Variants in ARHGAP29 observed in about 807,000 individuals in gnomAD.
ARHGAP29 encodes Rho GTPase activating protein 29.
In ARHGAP29, 43 loss-of-function variants were observed where a neutral mutation model predicts 122.6. The observed-to-expected ratio is 0.35, with a 90% CI of 0.27 to 0.45. The LOEUF is 0.45. Ranked by LOEUF, ARHGAP29 falls within the 20% of genes least tolerant of loss-of-function variation. ARHGAP29 has a pLI of 1.00. For synonymous variants in ARHGAP29, 506 were observed against 497.1 expected (o/e 1.02, Z -0.24); for missense variants, 1,303 against 1,477.2 (o/e 0.88, Z 1.93).
intron 1 of ARHGAP29, among the ~76,000 whole-genome samples, chr1:94,245,607 T>C (rs1317897414): frequency 6.6e-6 from 1 of 152,160 alleles, no homozygotes; most frequent in African/African-American, 2.4e-5. Flanking sequence ...GAGAAGCCTT[T>C]CATTTCCTCC....
intron 1 of ARHGAP29, among the ~76,000 whole-genome samples, chr1:94,273,739 T>C (rs1655082283): frequency 6.6e-6 from 1 of 152,176 alleles, no homozygotes; most frequent in Non-Finnish European, 1.5e-5. Flanking sequence ...TTTATAGAAT[T>C]AGAGAAGTTT....
At chr1:94,196,250 G>GTTT (rs1557852105) in intron 12 of ARHGAP29, among the ~76,000 whole-genome samples, 57 of 39,062 alleles carry the variant, frequency 1.5e-3, no homozygotes, top group African/African-American at 4.0e-3. Flanking sequence ...ATTTTTCCGT[G>GTTT]TTTTTCTTTT....
At chr1:94,184,099 T>C (rs570186665) in intron 19 of ARHGAP29, 52 bp downstream of exon 19, 3 of 1,566,492 alleles carry the variant, frequency 1.9e-6, no homozygotes, top group Admixed American at 1.9e-5. Flanking sequence ...ATACAAATCA[T>C]ATTTTTGCTG....
rs1260795163 is a variant in ARHGAP29 at position 94,173,534 on chromosome 1, T to A, written c.*335A>T. ...CCTGATTTTCCCAAATTGCACCTAT[T>A]AGTTGAGACTATATCATATATTAGG... On this transcript the variant is annotated 3_prime_UTR_variant, in exon 23 of 23. Coordinates refer to ENST00000260526, the MANE Select transcript of ARHGAP29 (RefSeq NM_004815.4). The A allele has an allele frequency of 1.0e-5, 2 of 190,878 alleles. No homozygotes were observed. Among genetic ancestry groups the A allele is most frequent in the Non-Finnish European group, 2.2e-5 (2 of 90,998 alleles). 11.8% of individuals were successfully genotyped at this position (190,878 alleles called of 1,614,324 possible).
chr1:94,217,434 A>AGAGGC (rs546023499), intron 3 of ARHGAP29, among the ~76,000 whole-genome samples: 303 of 151,866 alleles, frequency 2.0e-3, no homozygotes, highest in Middle Eastern at 0.014. Context: ...CTTGGGAGGC[A>AGAGGC]GAGGCAGGAG....
At chr1:94,183,767 A>G (rs576672080) in intron 19 of ARHGAP29, among the ~76,000 whole-genome samples, 1 of 152,290 alleles carries the variant, frequency 6.6e-6, no homozygotes, top group African/African-American at 2.4e-5. Context: ...TTTCAAGTCA[A>G]TTTTCCAAAG....
chr1:94,178,261 G>A (rs1649234641), intron 20 of ARHGAP29, 94 bp from the exon 21 acceptor site: 4 of 1,226,652 alleles, frequency 3.3e-6, no homozygotes, highest in Admixed American at 4.7e-5. Context: ...GAGGGAAAAT[G>A]AGCTGCACAA....
the ARHGAP29 span, among the ~76,000 whole-genome samples, chr1:94,296,045 TC>T: frequency 6.6e-6 from 1 of 152,090 alleles, no homozygotes; most frequent in Non-Finnish European, 1.5e-5. Flanking sequence ...ATATAGTAGT[TC>T]CCCTTATCCA....
At chr1:94,274,685 C>A (rs1655117435) in intron 1 of ARHGAP29, among the ~76,000 whole-genome samples, 2 of 152,180 alleles carry the variant, frequency 1.3e-5, no homozygotes, top group Admixed American at 1.3e-4. Context: ...GGGCAACAAA[C>A]CTGGCCTGGG....
Position 94,170,094 on chromosome 1 carries a change from C to T in ARHGAP29, c.*3775G>A, listed in dbSNP as rs1648629475. 6.6e-6 allele frequency among the ~76,000 whole-genome samples: 1 copy of T among 152,076 alleles called. No individual in the cohort carries two copies. Among genetic ancestry groups the T allele is most frequent in the African/African-American group, 2.4e-5 (1 of 41,408 alleles). ...AGTCAAGAATTGTCAATAGACTAGC[C>T]CGTGACAATTCGATGAGAAACAATA... On this transcript the variant is annotated 3_prime_UTR_variant, in exon 23 of 23. Coordinates refer to ENST00000260526, the MANE Select transcript of ARHGAP29 (RefSeq NM_004815.4).
intron 1 of ARHGAP29, chr1:94,247,768 G>T (rs1028744234): frequency 4.0e-6 from 2 of 505,728 alleles, no homozygotes; most frequent in Non-Finnish European, 2.6e-6. Flanking sequence ...TGCGCCGGCC[G>T]CCTGCCCCGC....
chr1:94,225,854 G>A (rs1652583209), intron 2 of ARHGAP29, among the ~76,000 whole-genome samples: 1 of 151,914 alleles, frequency 6.6e-6, no homozygotes, highest in Non-Finnish European at 1.5e-5. Context: ...TAAAACTCCT[G>A]TATCCCAATG....
upstream of ARHGAP29, among the ~76,000 whole-genome samples, chr1:94,241,713 T>C (rs1653588383): frequency 1.4e-4 from 2 of 13,878 alleles, no homozygotes; most frequent in Admixed American, 3.7e-3. Flanking sequence ...ATATGATATA[T>C]AATTTATATA....
chr1:94,256,536 C>CTTTTTTTT lies in ARHGAP29; in HGVS notation c.-33+18468_-33+18475dup, dbSNP rs530295333. Among the ~76,000 whole-genome samples the CTTTTTTTT allele has an allele frequency of 1.0e-3, 47 of 45,330 alleles. 13 individuals are homozygous for CTTTTTTTT. Among genetic ancestry groups the CTTTTTTTT allele is most frequent in the East Asian group, 7.7e-3 (6 of 780 alleles). 29.7% of individuals were successfully genotyped at this position (45,330 alleles called of 152,430 possible). ...CAGAAATAGATTTAACAGTACTAAT[C>CTTTTTTTT]TTTTTTTTTTTTTTTTTTTTTTTTT... On this transcript the variant is annotated intron_variant and NMD_transcript_variant, in intron 1 of 25. Coordinates refer to the ARHGAP29 transcript ENST00000552844.
chr1:94,231,725 C>T (rs1652930704), intron 1 of ARHGAP29, 82 bp from the exon 2 acceptor site: 1 of 1,061,498 alleles, frequency 9.4e-7, no homozygotes, highest in African/African-American at 1.6e-5. Context: ...GGAAATATTA[C>T]ACTAGATTTT....
intron 1 of ARHGAP29, among the ~76,000 whole-genome samples, chr1:94,269,927 G>A (rs934015729): frequency 3.3e-5 from 5 of 152,050 alleles, no homozygotes; most frequent in South Asian, 2.1e-4. Context: ...GGTCATTTTC[G>A]TAGTCCCCAG....
chr1:94,235,420 T>C (rs1391774446), intron 1 of ARHGAP29, among the ~76,000 whole-genome samples: 1 of 152,208 alleles, frequency 6.6e-6, no homozygotes, highest in Non-Finnish European at 1.5e-5. Context: ...TGCAAAGTAC[T>C]TAGCAGAGTG....
chr1:94,232,918 T>A (rs879912284), intron 1 of ARHGAP29, among the ~76,000 whole-genome samples: 30 of 151,550 alleles, frequency 2.0e-4, no homozygotes, highest in Non-Finnish European at 3.4e-4. Flanking sequence ...AAATTTACAG[T>A]AGAAAGTTTT....
At chr1:94,261,369 G>A (rs1654549597) in intron 1 of ARHGAP29, among the ~76,000 whole-genome samples, 2 of 152,136 alleles carry the variant, frequency 1.3e-5, no homozygotes, top group South Asian at 4.1e-4. Flanking sequence ...ACTATCACAA[G>A]TTTGGGTCTC....
Sources: allele counts gnomAD v4.1 joint callset (sites outside exome capture counted in the v4.1 genomes callset), GRCh38; gene constraint gnomAD v4.1.1; transcripts MANE v1.5; gene names NCBI Gene and HGNC (gene_info 2026-07-23, HGNC 2026-07-21).